The following DNAJB1 variants were observed in gnomAD, a reference collection of about 807,000 sequenced individuals.
The protein encoded by DNAJB1 is DnaJ heat shock protein family (Hsp40) member B1, also known as dnaJ homolog subfamily B member 1.
Under a neutral mutation model 24.0 loss-of-function variants are expected in DNAJB1, and 14 were observed. The ratio of observed to expected loss-of-function variants is 0.58; its 90% CI spans 0.39 to 0.91. The LOEUF (loss-of-function observed/expected upper bound fraction) is 0.91. DNAJB1 is among the 40% of genes least tolerant of loss of function. The pLI is 0.00. For missense variants in DNAJB1, 517 were observed against 458.1 expected (o/e 1.13, Z -1.17); for synonymous variants, 262 against 174.4 (o/e 1.50, Z -3.96).
rs747348455 is a variant in DNAJB1 at position 14,535,543 on chromosome 19, AATAT to A, written c.-213-7737_-213-7734del. Reference sequence around the variant, plus strand: ...AAAAAAAAAAAAAAAAAAAAAAAAAAATATATATATATATATATATATATATATA... The same window carrying A: ...AAAAAAAAAAAAAAAAAAAAAAAAAAATATATATATATATATATATATATA... On this transcript the variant is annotated intron_variant, in intron 1 of 3. Coordinates refer to the DNAJB1 transcript ENST00000676982. 8.6e-3 allele frequency among the ~76,000 whole-genome samples: 281 copies of A among 32,664 alleles called. 3 individuals are homozygous for A. The highest frequency in any genetic ancestry group is 0.021 in the Middle Eastern group (1 of 48). 21.4% of individuals were successfully genotyped at this position (32,664 alleles called of 152,430 possible). A position where few individuals can be genotyped will look rare whatever the true frequency, so the allele number is the denominator to read the frequency against.
upstream of DNAJB1, among the ~76,000 whole-genome samples, chr19:14,551,375 A>G (rs898978049): frequency 6.6e-6 from 1 of 152,016 alleles, no homozygotes; most frequent in Non-Finnish European, 1.5e-5. Context: ...GCACCTGGCC[A>G]ATTATTATAT....
intron 1 of DNAJB1, among the ~76,000 whole-genome samples, chr19:14,539,777 A>C (rs1599428223): frequency 6.6e-6 from 1 of 151,228 alleles, no homozygotes; most frequent in Admixed American, 6.6e-5. Flanking sequence ...CCCCAGAGAG[A>C]CCTTCCTTGG....
chr19:14,535,053 C>A (rs1044612319), intron 1 of DNAJB1, among the ~76,000 whole-genome samples: 2 of 152,048 alleles, frequency 1.3e-5, no homozygotes, highest in African/African-American at 4.8e-5. Context: ...GATGGGCTGC[C>A]CCTTGCAGTA....
chr19:14,518,361 G>A lies in DNAJB1; in HGVS notation c.-12C>T, dbSNP rs751908555. 7.8e-6 allele frequency: 12 copies of A among 1,540,874 alleles called. No homozygotes were observed. The highest frequency in any genetic ancestry group is 3.6e-5 in the South Asian group (3 of 82,536). ...TAGTCTTTACCCATGACCCCCTCCTGCGGCCCGCCGACCCGCTGTCGCCGT... is the reference window on the plus strand; with the variant it reads ...TAGTCTTTACCCATGACCCCCTCCTACGGCCCGCCGACCCGCTGTCGCCGT... On this transcript the variant is annotated 5_prime_UTR_variant, in exon 1 of 3. Transcript: ENST00000254322.
intron 1 of DNAJB1, among the ~76,000 whole-genome samples, chr19:14,549,989 T>G (rs2073440657): frequency 6.6e-6 from 1 of 151,894 alleles, no homozygotes; most frequent in African/African-American, 2.4e-5. Flanking sequence ...CCCCTTCAAC[T>G]GCCACTCCCT....
At chr19:14,540,884 G>C (rs899819038) in intron 1 of DNAJB1, among the ~76,000 whole-genome samples, 12 of 152,152 alleles carry the variant, frequency 7.9e-5, no homozygotes, top group African/African-American at 2.9e-4. Context: ...GCCCAGGCTG[G>C]AGTGCAGTAG....
chr19:14,540,014 G>A lies in DNAJB1; in HGVS notation c.-214+10194C>T, dbSNP rs188203004. On this transcript the variant is annotated intron_variant, in intron 1 of 3. Coordinates refer to the DNAJB1 transcript ENST00000676982. ...CCTGCCTCAGCCTCCTGAGTAGCTG[G>A]GATTACAGGTACCCGCCACCATGCC... Among the ~76,000 whole-genome samples the A allele has an allele frequency of 2.1e-3, 324 of 151,424 alleles. 3 individuals are homozygous for A. Among genetic ancestry groups the A allele is most frequent in the African/African-American group, 7.8e-3 (323 of 41,270 alleles).
chr19:14,522,540 G>A (rs546809611), upstream of DNAJB1, among the ~76,000 whole-genome samples: 1 of 148,698 alleles, frequency 6.7e-6, no homozygotes, highest in Admixed American at 6.7e-5. Context: ...GAGGTTTCCC[G>A]GCAGAAAAAG....
rs1241523892 is a variant in DNAJB1, at chr19:14,515,539, G to GGTA, written c.*400_*401insTAC. The GGTA allele has an allele frequency of 9.9e-6, 2 of 202,278 alleles. No individual in the cohort carries two copies. Among genetic ancestry groups the GGTA allele is most frequent in the Non-Finnish European group, 2.0e-5 (2 of 99,964 alleles). The allele number at this position is 202,278 out of a possible 1,614,324, so 12.5% of individuals were successfully genotyped here. A position where few individuals can be genotyped will look rare whatever the true frequency, so the allele number is the denominator to read the frequency against. ...CTGATCACACAACAGAAAAGGAGGAGTGTACAGGGTCTGGGAATCAAGACT... is the reference window on the plus strand; with the variant it reads ...CTGATCACACAACAGAAAAGGAGGAGGTATGTACAGGGTCTGGGAATCAAGACT... On this transcript the variant is annotated 3_prime_UTR_variant, in exon 3 of 3. Coordinates refer to ENST00000254322, the MANE Select transcript of DNAJB1 (RefSeq NM_006145.3).
At chr19:14,545,263 C>T (rs189032961) in intron 1 of DNAJB1, 1,020 of 453,810 alleles carry the variant, frequency 2.2e-3, no homozygotes, top group Non-Finnish European at 2.5e-3. Flanking sequence ...TTCCAGCCTC[C>T]GGGTGTCACC....
intron 2 of DNAJB1, among the ~76,000 whole-genome samples, chr19:14,525,088 G>A (rs2072404536): frequency 6.6e-6 from 1 of 151,766 alleles, no homozygotes; most frequent in South Asian, 2.1e-4. Flanking sequence ...ACAAAAATTA[G>A]CTGGGCATGG....
At chr19:14,546,127 GGGGTGGT>G (rs1182986400) in intron 1 of DNAJB1, among the ~76,000 whole-genome samples, 1 of 152,166 alleles carries the variant, frequency 6.6e-6, no homozygotes, top group Non-Finnish European at 1.5e-5. Flanking sequence ...TTCTGCACCT[GGGGTGGT>G]CACAAATCTG....
chr19:14,516,313 A>T, intron 2 of DNAJB1, 143 bp from the exon 3 acceptor site: 1 of 1,269,928 alleles, frequency 7.9e-7, no homozygotes, highest in Non-Finnish European at 1.1e-6. Flanking sequence ...CCACCACGAA[A>T]GCTCCACAAC....
chr19:14,537,202 G>A (rs1365358071), intron 1 of DNAJB1, among the ~76,000 whole-genome samples: 1 of 130,594 alleles, frequency 7.7e-6, no homozygotes, highest in African/African-American at 2.9e-5. Flanking sequence ...GGGGGAGGAG[G>A]TGGGGCTCAG....
At chr19:14,547,558 C>T (rs2073347220) in intron 1 of DNAJB1, among the ~76,000 whole-genome samples, 1 of 152,100 alleles carries the variant, frequency 6.6e-6, no homozygotes, top group African/African-American at 2.4e-5. Context: ...GATGAGTTTT[C>T]ACCATGTTAG....
chr19:14,547,861 G>A (rs1314544503), intron 1 of DNAJB1, among the ~76,000 whole-genome samples: 2 of 150,610 alleles, frequency 1.3e-5, no homozygotes, highest in Non-Finnish European at 1.5e-5. Context: ...GGGGTCTTGC[G>A]ATGTTGCCCA....
At chr19:14,525,645 C>G (rs1415392038) in intron 2 of DNAJB1, among the ~76,000 whole-genome samples, 7 of 152,046 alleles carry the variant, frequency 4.6e-5, no homozygotes, top group Admixed American at 3.9e-4. Flanking sequence ...GAATGCTTGC[C>G]AGGGGCTGGG....
rs572871368 is a variant in DNAJB1, at chr19:14,559,997, G to A, written c.-2166+34C>T. ...GCCTTGGGCATTTCTTGTCTGTAGG[G>A]GCCCCTAGGTGCTGCCTTGCAGCCC... is the stretch of plus-strand genomic sequence containing the variant. On this transcript the variant is annotated intron_variant, in intron 1 of 5. Coordinates refer to the DNAJB1 transcript ENST00000679223. 7.2e-5 allele frequency among the ~76,000 whole-genome samples: 11 copies of A among 152,216 alleles called. No individual in the cohort carries two copies. The East Asian group carries it at 2.1e-3, about 30-fold the overall frequency.
chr19:14,551,363 C>G (rs943257469), upstream of DNAJB1, among the ~76,000 whole-genome samples: 2 of 152,160 alleles, frequency 1.3e-5, no homozygotes, highest in Non-Finnish European at 2.9e-5. Flanking sequence ...GCGTGAGCCA[C>G]TGCACCTGGC....
Sources: allele counts gnomAD v4.1 joint callset (sites outside exome capture counted in the v4.1 genomes callset), GRCh38; gene constraint gnomAD v4.1.1; transcripts MANE v1.5; gene names NCBI Gene and HGNC (gene_info 2026-07-23, HGNC 2026-07-21).